The following USH2A variants were observed in gnomAD, a reference collection of about 807,000 sequenced individuals.
USH2A encodes usherin, also known as Usher syndrome 2A (autosomal recessive, mild).
Under a neutral mutation model 538.9 loss-of-function variants are expected in USH2A, and 443 were observed. The ratio of observed to expected loss-of-function variants is 0.82; its 90% CI spans 0.76 to 0.89. USH2A has a LOEUF of 0.89. Among genes scored for constraint, USH2A ranks in the 40% least tolerant of loss-of-function variants. USH2A has a pLI of 0.00. For synonymous variants in USH2A, 2,413 were observed against 2,273.5 expected (o/e 1.06, Z -1.75); for missense variants, 6,633 against 6,324.8 (o/e 1.05, Z -1.65).
At chr1:215,878,337 C>T (rs1008634829) in intron 42 of USH2A, among the ~76,000 whole-genome samples, 7 of 152,104 alleles carry the variant, frequency 4.6e-5, no homozygotes, top group East Asian at 1.9e-4. Context: ...TTTCTTTCAT[C>T]GTATCGGGCT....
intron 38 of USH2A, among the ~76,000 whole-genome samples, chr1:215,910,676 TCATTTATTATTTCTTAGTAA>T (rs1189875787): frequency 6.6e-6 from 1 of 152,000 alleles, no homozygotes; most frequent in Non-Finnish European, 1.5e-5. Flanking sequence ...CATGCTTTAC[TCATTTATTATTTCTTAGTAA>T]CATCAATCAA....
intron 34 of USH2A, 149 bp downstream of exon 34, chr1:215,998,738 G>A (rs1194424236): frequency 2.5e-6 from 2 of 795,110 alleles, no homozygotes; most frequent in East Asian, 2.7e-5. Flanking sequence ...TCACATTTAG[G>A]ATGGGAAGAG....
At chr1:215,685,453 G>A (rs982758656) in intron 61 of USH2A, among the ~76,000 whole-genome samples, 1 of 151,610 alleles carries the variant, frequency 6.6e-6, no homozygotes, top group Non-Finnish European at 1.5e-5. Flanking sequence ...CGCCTCCTGG[G>A]TTCGAGCGAT....
intron 70 of USH2A, among the ~76,000 whole-genome samples, chr1:215,632,687 T>C (rs1223779564): frequency 1.3e-5 from 2 of 152,164 alleles, no homozygotes; most frequent in Non-Finnish European, 2.9e-5. Flanking sequence ...TAGTTTCAGT[T>C]TAGCTCATCT....
rs566385361 is a variant in USH2A at position 216,055,011 on chromosome 1, A to G, written c.6050-6364T>C. On this transcript the variant is annotated intron_variant, in intron 30 of 71. Coordinates refer to ENST00000307340, the MANE Select transcript of USH2A (RefSeq NM_206933.4). ...ACAATATTTCAAATGCACTCCAACA[A>G]TCCAAGAGTATTTCCACGTTAGCAA... 1.2e-4 allele frequency among the ~76,000 whole-genome samples: 19 copies of G among 152,320 alleles called. 1 individual carries two copies. In the South Asian group the frequency reaches 3.9e-3, roughly 32 times the overall value.
Position 216,422,353 on chromosome 1 carries a change from TCTC to T in USH2A, c.-20_-18del, listed in dbSNP as rs771548973. ...GCAATTCATGTTTACAAAAAAGCAT[TCTC>T]CTCCTGATAAAGCATTTCTAAATAA... On this transcript the variant is annotated 5_prime_UTR_variant, in exon 2 of 72. Transcript: ENST00000307340. 1 of 1,613,474 alleles carries T rather than the reference TCTC, an allele frequency of 6.2e-7. No individual in the cohort carries two copies. The highest frequency in any genetic ancestry group is 1.1e-5 in the South Asian group (1 of 91,056).
intron 21 of USH2A, among the ~76,000 whole-genome samples, chr1:216,155,878 G>A (rs1042048692): frequency 6.6e-6 from 1 of 152,056 alleles, no homozygotes; most frequent in African/African-American, 2.4e-5. Context: ...ACATTTTGCA[G>A]ACATTCTATA....
chr1:215,857,397 C>T (rs1038682441), intron 44 of USH2A, among the ~76,000 whole-genome samples: 3 of 152,068 alleles, frequency 2.0e-5, no homozygotes, highest in African/African-American at 4.8e-5. Flanking sequence ...CTTTACTTCT[C>T]ATAAAGGGTT....
At position 215,954,720 on chromosome 1, in the gene USH2A, T is replaced by TA. The variant is rs370055206; in HGVS notation, c.7120+10596dup. Among the ~76,000 whole-genome samples, 34 of 150,568 alleles carry TA rather than the reference T, an allele frequency of 2.3e-4. No individual in the cohort carries two copies. The Middle Eastern group carries it at 0.01, about 45-fold the overall frequency. ...CCTAAAACTTGAAGTATAATAATAA[T>TA]AAAAAAAAACAATTGAAAATTTGAA... On this transcript the variant is annotated intron_variant, in intron 37 of 71. Transcript: ENST00000307340.
chr1:216,199,698 C>A lies in USH2A; in HGVS notation c.3740G>T (p.Ser1247Ile). 1.2e-6 allele frequency: 2 copies of A among 1,614,084 alleles called. No homozygotes were observed. Among genetic ancestry groups the A allele is most frequent in the Non-Finnish European group, 1.7e-6 (2 of 1,179,994 alleles). Residue 1247 changes from serine to isoleucine, a missense_variant, in exon 17 of 72, where the codon AGT becomes ATT. Transcript: ENST00000307340. ...TTAQAPPQRL[S>I]PPKMQKISST... Reference sequence around the variant, plus strand: ...ACTGATTTTCTGCATCTTAGGTGGACTTAGTCTTTGGGGAGGGGCCTGGGC... The same window carrying A: ...ACTGATTTTCTGCATCTTAGGTGGAATTAGTCTTTGGGGAGGGGCCTGGGC...
intron 32 of USH2A, among the ~76,000 whole-genome samples, chr1:216,033,734 C>T (rs12123090): frequency 0.16 from 24,155 of 151,872 alleles, 2,169 homozygotes; most frequent in South Asian, 0.26. Context: ...CCCAGCTACT[C>T]GGGAGGCAAG....
intron 38 of USH2A, among the ~76,000 whole-genome samples, chr1:215,922,503 TG>T (rs1558163070): frequency 2.0e-5 from 3 of 152,148 alleles, no homozygotes; most frequent in Non-Finnish European, 4.4e-5. Context: ...CCTGAGTATT[TG>T]TCTCAAATAT....
chr1:215,746,380 TGTAAA>T (rs1205546770), intron 58 of USH2A, among the ~76,000 whole-genome samples: 3 of 152,276 alleles, frequency 2.0e-5, no homozygotes, highest in East Asian at 1.9e-4. Context: ...AATGAATAAT[TGTAAA>T]GTAAAGATTC....
At chr1:215,633,427 A>G (rs746690816) in intron 70 of USH2A, among the ~76,000 whole-genome samples, 50 of 151,850 alleles carry the variant, frequency 3.3e-4, no homozygotes, top group Non-Finnish European at 5.9e-4. Context: ...TGCTCCCAAC[A>G]CTCCTGCTAC....
chr1:216,038,720 T>C (rs1409407485), intron 32 of USH2A, among the ~76,000 whole-genome samples: 1 of 152,070 alleles, frequency 6.6e-6, no homozygotes, highest in African/African-American at 2.4e-5. Context: ...TCCACTTTTC[T>C]GTATTAATTT....
chr1:215,729,611 AT>A, intron 60 of USH2A, among the ~76,000 whole-genome samples: 1 of 151,618 alleles, frequency 6.6e-6, no homozygotes. Context: ...TATAATAGGA[AT>A]TTGTTTTAGA....
intron 13 of USH2A, among the ~76,000 whole-genome samples, chr1:216,245,201 A>T (rs1216259931): frequency 6.6e-6 from 1 of 152,102 alleles, no homozygotes; most frequent in Non-Finnish European, 1.5e-5. Context: ...GTCTTCTGGG[A>T]TACTTACCAC....
At chr1:216,149,042 C>T (rs951054228) in intron 21 of USH2A, among the ~76,000 whole-genome samples, 1 of 152,082 alleles carries the variant, frequency 6.6e-6, no homozygotes, top group Non-Finnish European at 1.5e-5. Flanking sequence ...ATCTCTCAAA[C>T]CCAAGCACCT....
intron 33 of USH2A, among the ~76,000 whole-genome samples, chr1:216,000,029 C>G (rs76100853): frequency 0.029 from 4,418 of 152,140 alleles, 204 homozygotes; most frequent in African/African-American, 0.1. Flanking sequence ...TTTCTGACAT[C>G]AACTGCAGGT....
Sources: allele counts gnomAD v4.1 joint callset (sites outside exome capture counted in the v4.1 genomes callset), GRCh38; gene constraint gnomAD v4.1.1; transcripts MANE v1.5; gene names NCBI Gene and HGNC (gene_info 2026-07-23, HGNC 2026-07-21).